Variants in HDAC4 observed in about 807,000 individuals in gnomAD.
HDAC4 encodes histone deacetylase 4.
In HDAC4, 16 loss-of-function variants were observed where a neutral mutation model predicts 135.1. That is an observed-to-expected ratio of 0.12 (90% confidence interval 0.08 to 0.18). The LOEUF (loss-of-function observed/expected upper bound fraction) is 0.18. Ranked by LOEUF, HDAC4 falls within the 10% of genes least tolerant of loss-of-function variation. The probability of loss-of-function intolerance (pLI) is 1.00; values close to 1 mark genes in which losing one functional copy is unlikely to be tolerated. For missense variants in HDAC4, 1,143 were observed against 1,511.8 expected (o/e 0.76, Z 4.05); for synonymous variants, 685 against 653.4 (o/e 1.05, Z -0.74).
intron 3 of HDAC4, among the ~76,000 whole-genome samples, chr2:239,208,805 A>T (rs900247986): frequency 6.6e-6 from 1 of 152,254 alleles, no homozygotes; most frequent in African/African-American, 2.4e-5. Context: ...AAACAAAAAA[A>T]ATACAAGGCA....
rs7559295 is a variant in HDAC4, at chr2:239,306,468, G to A, written c.22+46210C>T. Among the ~76,000 whole-genome samples the A allele has an allele frequency of 0.18, 26,772 of 151,996 alleles. 3,470 individuals are homozygous for A. The highest frequency in any genetic ancestry group is 0.49 in the East Asian group (2,509 of 5,088). ...AAGGACTGACTAATACCTGACCCAG[G>A]GCCAAGCTATCCTGTGTCCCATACT... On this transcript the variant is annotated intron_variant, in intron 2 of 26. Coordinates refer to ENST00000543185, the MANE Select transcript of HDAC4 (RefSeq NM_001378414.1). This position sits in a 1 kb window ranked among gnomAD's most constrained non-coding sequence, Gnocchi z 4.5.
chr2:239,164,935 C>T (rs1043780373), intron 5 of HDAC4, among the ~76,000 whole-genome samples: 4 of 152,214 alleles, frequency 2.6e-5, no homozygotes, highest in Non-Finnish European at 5.9e-5. Flanking sequence ...AATATCCCTA[C>T]ACATAGGCCA....
In HDAC4 at chr2:239,134,601, C is replaced by A. The variant is rs145474829; in HGVS notation, c.1021G>T (p.Ala341Ser). The change falls in exon 10 of 27, where the codon GCT becomes TCT. Residue 341 changes from alanine to serine, a missense_variant. Ala to Ser is a moderately conservative substitution (Grantham distance 99, BLOSUM62 1). This residue lies in a region of HDAC4 where 272 missense variants were observed against 309.7 expected (regional missense o/e 0.88). Transcript: ENST00000543185. ...GGCGATGTGTAGAGGGGAAGTGGAG[C>A]GGCCGAGCCTTCTCGTGCCACAAGT... ...HRLVAREGSA[A>S]PLPLYTSPSL... 6.2e-7 allele frequency: 1 copy of A among 1,614,162 alleles called. No homozygotes were observed. Among genetic ancestry groups the A allele is most frequent in the Non-Finnish European group, 8.5e-7 (1 of 1,180,016 alleles).
chr2:239,156,681 G>A lies in HDAC4; in HGVS notation c.704C>T (p.Ala235Val). 2 of 1,614,144 alleles carry A rather than the reference G, an allele frequency of 1.2e-6. No homozygotes were observed. Among genetic ancestry groups the A allele is most frequent in the Non-Finnish European group, 1.7e-6 (2 of 1,180,034 alleles). Residue 235 changes from alanine to valine, a missense_variant, in exon 7 of 27, where the codon GCC (alanine) becomes GTC (valine). By Grantham distance (64) the Ala-to-Val change is moderately conservative. This residue lies in a region of HDAC4 where 247 missense variants were observed against 310.0 expected (regional missense o/e 0.80). Transcript: ENST00000543185. ...TTTCCTAAGAGGGAAGTCATCTTTGGCGTCGTACATTCCCAGGACCGGGTG... is the reference window on the plus strand; with the variant it reads ...TTTCCTAAGAGGGAAGTCATCTTTGACGTCGTACATTCCCAGGACCGGGTG... ...YNHPVLGMYD[A>V]KDDFPLRKTA...
intron 2 of HDAC4, among the ~76,000 whole-genome samples, chr2:239,269,841 T>A (rs977369969): frequency 1.3e-5 from 2 of 152,206 alleles, no homozygotes; most frequent in African/African-American, 4.8e-5. Flanking sequence ...CACAACAGTA[T>A]AATTACAAGG....
At chr2:239,144,129 C>T (rs2041595988) in intron 8 of HDAC4, among the ~76,000 whole-genome samples, 3 of 152,210 alleles carry the variant, frequency 2.0e-5, no homozygotes, top group Non-Finnish European at 4.4e-5. Context: ...TTGCTTCCCT[C>T]CCTGCTCAGT....
chr2:239,236,534 G>A, intron 3 of HDAC4, 59 bp downstream of exon 3: 2 of 1,360,008 alleles, frequency 1.5e-6, no homozygotes, highest in Non-Finnish European at 2.1e-6. Flanking sequence ...CAGAGCGTCT[G>A]AACACCTCTT....
At chr2:239,117,373 A>G (rs540321614) in intron 12 of HDAC4, among the ~76,000 whole-genome samples, 1 of 152,298 alleles carries the variant, frequency 6.6e-6, no homozygotes, top group African/African-American at 2.4e-5. Context: ...TTTCCATGAC[A>G]CCAAAAAGGA....
intron 23 of HDAC4, among the ~76,000 whole-genome samples, chr2:239,067,594 C>CT (rs1345364175): frequency 2.6e-5 from 4 of 152,320 alleles, no homozygotes; most frequent in African/African-American, 9.6e-5. Flanking sequence ...GGGCCGGGTG[C>CT]TGTGGGGCGT....
At position 239,309,829 on chromosome 2, in the gene HDAC4, A is replaced by T. The variant is rs1022633642; in HGVS notation, c.22+42849T>A. ...TTCCAACCACACACTCAGACCATGG[A>T]TGTGGCCGTGCCAGCAGGGAGGCCA... On this transcript the variant is annotated intron_variant, in intron 2 of 26. Transcript: ENST00000543185. This position sits in a 1 kb window ranked among gnomAD's most constrained non-coding sequence, Gnocchi z 4.2. Among the ~76,000 whole-genome samples the T allele has an allele frequency of 6.6e-6, 1 of 152,204 alleles. No homozygotes were observed. The highest frequency in any genetic ancestry group is 2.4e-5 in the African/African-American group (1 of 41,456).
intron 1 of HDAC4, among the ~76,000 whole-genome samples, chr2:239,364,773 C>A (rs954889194): frequency 6.6e-6 from 1 of 152,242 alleles, no homozygotes; most frequent in African/African-American, 2.4e-5. Flanking sequence ...GCAGCTTGCA[C>A]GATCTTACCT....
intron 24 of HDAC4, among the ~76,000 whole-genome samples, chr2:239,056,280 C>G (rs956510119): frequency 1.1e-4 from 16 of 152,334 alleles, no homozygotes; most frequent in African/African-American, 2.9e-4. Context: ...GGATGATGAG[C>G]GAGGTTCCCA....
chr2:239,270,230 C>T (rs778680385), intron 2 of HDAC4, among the ~76,000 whole-genome samples: 1 of 152,098 alleles, frequency 6.6e-6, no homozygotes, highest in Non-Finnish European at 1.5e-5. Context: ...TGTCCACATC[C>T]GTATGTGTAA....
intron 22 of HDAC4, among the ~76,000 whole-genome samples, chr2:239,078,358 C>T (rs1051822392): frequency 2.0e-5 from 3 of 152,256 alleles, no homozygotes; most frequent in Admixed American, 1.3e-4. Context: ...TGGCAGGCAA[C>T]GGGTCTGAAT....
rs533768563 is a variant in HDAC4, at chr2:239,357,344, G to A, written c.-219-4426C>T. ...ACAACATAAAAATCTGCAGTGCTTAGGAGGAAACATAAGTACCAAATGCCT... is the reference window on the plus strand; with the variant it reads ...ACAACATAAAAATCTGCAGTGCTTAAGAGGAAACATAAGTACCAAATGCCT... On this transcript the variant is annotated intron_variant, in intron 1 of 26. Transcript: ENST00000543185. Among the ~76,000 whole-genome samples the A allele has an allele frequency of 2.6e-5, 4 of 152,130 alleles. No homozygotes were observed. The South Asian group carries it at 8.3e-4, about 32-fold the overall frequency.
At chr2:239,272,285 A>C (rs1267366239) in intron 2 of HDAC4, among the ~76,000 whole-genome samples, 1 of 152,244 alleles carries the variant, frequency 6.6e-6, no homozygotes, top group Non-Finnish European at 1.5e-5. Context: ...TAGGACACCA[A>C]AACACAGGCA....
chr2:239,088,587 C>T (rs2036207855), intron 18 of HDAC4, among the ~76,000 whole-genome samples: 1 of 152,200 alleles, frequency 6.6e-6, no homozygotes, highest in Admixed American at 6.5e-5. Flanking sequence ...TGCTGAAGCA[C>T]CGGAGGGTAG....
chr2:239,226,440 G>A (rs1056897990), intron 3 of HDAC4, among the ~76,000 whole-genome samples: 4 of 152,140 alleles, frequency 2.6e-5, no homozygotes, highest in Admixed American at 2.0e-4. Flanking sequence ...CTCTAAAGTA[G>A]AGAAACAACC....
intron 7 of HDAC4, among the ~76,000 whole-genome samples, chr2:239,153,760 C>T (rs1318362815): frequency 1.3e-5 from 2 of 152,200 alleles, no homozygotes; most frequent in Non-Finnish European, 2.9e-5. Context: ...GGTGCTATCA[C>T]AAGGTTAGAA....
Sources: allele counts gnomAD v4.1 joint callset (sites outside exome capture counted in the v4.1 genomes callset), GRCh38; gene constraint gnomAD v4.1.1; regional missense constraint gnomAD v4.1.1; non-coding constraint Gnocchi (gnomAD v3.1); transcripts MANE v1.5; gene names NCBI Gene and HGNC (gene_info 2026-07-23, HGNC 2026-07-21).